Variants in PEMT observed in about 807,000 individuals in gnomAD.
The protein encoded by PEMT is phospholipid methyltransferase.
In PEMT, 23 loss-of-function variants were observed where a neutral mutation model predicts 27.4. The ratio of observed to expected loss-of-function variants is 0.84; its 90% CI spans 0.60 to 1.19. The LOEUF is 1.19. PEMT is among the 50% of genes most tolerant of loss of function. The pLI is 0.00. For missense variants in PEMT, 307 were observed against 310.1 expected (o/e 0.99, Z 0.07); for synonymous variants, 137 against 139.1 (o/e 0.98, Z 0.11).
chr17:17,538,237 G>A (rs1387840704), intron 2 of PEMT, among the ~76,000 whole-genome samples: 2 of 152,202 alleles, frequency 1.3e-5, no homozygotes, highest in Admixed American at 6.5e-5. Context: ...CACGCTGAGC[G>A]GCTTCTCCAA....
chr17:17,518,203 G>T, intron 3 of PEMT: 1 of 965,918 alleles, frequency 1.0e-6, no homozygotes, highest in Non-Finnish European at 1.2e-6. Flanking sequence ...AAGCTCGGCT[G>T]TCTCCTCCCA....
intron 5 of PEMT, chr17:17,508,407 C>T (rs1447103000): frequency 5.1e-6 from 1 of 194,932 alleles, no homozygotes; most frequent in African/African-American, 2.4e-5. Flanking sequence ...CACAGCCCCC[C>T]TTCTAGCTTC....
At chr17:17,543,893 C>A (rs1909065696) in intron 2 of PEMT, among the ~76,000 whole-genome samples, 1 of 152,222 alleles carries the variant, frequency 6.6e-6, no homozygotes, top group Non-Finnish European at 1.5e-5. Flanking sequence ...CAAAATAGAA[C>A]CTCTGAGCTT....
intron 2 of PEMT, among the ~76,000 whole-genome samples, chr17:17,549,382 G>A (rs936797873): frequency 1.3e-5 from 2 of 152,124 alleles, no homozygotes; most frequent in African/African-American, 4.8e-5. Context: ...TAGAGATGGG[G>A]TTTCACCATA....
At chr17:17,586,559 G>A (rs1372728450) in intron 1 of PEMT, among the ~76,000 whole-genome samples, 1 of 152,190 alleles carries the variant, frequency 6.6e-6, no homozygotes, top group East Asian at 1.9e-4. Context: ...AGGGCCAAAT[G>A]GGAAGTCTTG....
At chr17:17,506,999 C>G in intron 5 of PEMT, 3 of 670,896 alleles carry the variant, frequency 4.5e-6, no homozygotes, top group Non-Finnish European at 7.8e-6. Flanking sequence ...GGCCCAAGGC[C>G]GGATGGAGCA....
intron 1 of PEMT, among the ~76,000 whole-genome samples, chr17:17,586,040 G>A (rs1243313730): frequency 2.1e-5 from 3 of 144,842 alleles, no homozygotes; most frequent in African/African-American, 5.2e-5. Context: ...CCAAGATGGC[G>A]CCACTGCACT....
intron 2 of PEMT, among the ~76,000 whole-genome samples, chr17:17,535,059 C>A (rs997460492): frequency 1.3e-5 from 2 of 151,798 alleles, no homozygotes; most frequent in Non-Finnish European, 2.9e-5. Flanking sequence ...TACAGGTGTG[C>A]GCCCCTATGC....
At chr17:17,529,605 G>A (rs9903468) in intron 2 of PEMT, among the ~76,000 whole-genome samples, 20,164 of 152,192 alleles carry the variant, frequency 0.13, 2,387 homozygotes, top group African/African-American at 0.32. Flanking sequence ...ACCTGCACCC[G>A]AGGCCCCAGC....
At chr17:17,564,283 G>A (rs998750040) in intron 2 of PEMT, among the ~76,000 whole-genome samples, 3 of 152,122 alleles carry the variant, frequency 2.0e-5, no homozygotes, top group Admixed American at 6.5e-5. Context: ...CAGGGAGTGA[G>A]GAATGGAGAT....
intron 2 of PEMT, among the ~76,000 whole-genome samples, chr17:17,543,141 G>A (rs531675811): frequency 6.6e-6 from 1 of 152,316 alleles, no homozygotes; most frequent in Admixed American, 6.5e-5. Flanking sequence ...ATCTGCTTCC[G>A]ATCCCCAGGA....
chr17:17,558,694 A>C (rs895726665), intron 2 of PEMT, among the ~76,000 whole-genome samples: 15 of 127,426 alleles, frequency 1.2e-4, no homozygotes, highest in South Asian at 6.9e-4. Flanking sequence ...AAAAAAAAAA[A>C]AAAAACAAAA....
At chr17:17,543,664 G>A (rs1462260212) in intron 2 of PEMT, among the ~76,000 whole-genome samples, 2 of 152,174 alleles carry the variant, frequency 1.3e-5, no homozygotes, top group East Asian at 3.9e-4. Context: ...CCAGGTTCAA[G>A]TGATTCTCCT....
chr17:17,531,109 A>C (rs2142566095), intron 2 of PEMT, among the ~76,000 whole-genome samples: 1 of 152,226 alleles, frequency 6.6e-6, no homozygotes, highest in South Asian at 2.1e-4. Flanking sequence ...TAGCATTCAA[A>C]CTGTGGTCTC....
intron 2 of PEMT, among the ~76,000 whole-genome samples, chr17:17,525,446 G>T (rs1907598590): frequency 6.6e-6 from 1 of 152,230 alleles, no homozygotes; most frequent in South Asian, 2.1e-4. Flanking sequence ...TGTCCTCACT[G>T]GGAGCCCAGC....
At chr17:17,541,232 G>C (rs898211982) in intron 2 of PEMT, among the ~76,000 whole-genome samples, 1 of 152,224 alleles carries the variant, frequency 6.6e-6, no homozygotes, top group African/African-American at 2.4e-5. Flanking sequence ...CATCCTCCCA[G>C]AGCCCTGCAA....
At chr17:17,506,961 C>T (rs570684393) in intron 5 of PEMT, 29 of 586,148 alleles carry the variant, frequency 4.9e-5, no homozygotes, top group Admixed American at 3.2e-4. Flanking sequence ...GCCCAGAGGA[C>T]GGGAGGCCCC....
chr17:17,586,047 C>A (rs1912227993), intron 1 of PEMT, among the ~76,000 whole-genome samples: 1 of 141,544 alleles, frequency 7.1e-6, no homozygotes, highest in East Asian at 2.0e-4. Context: ...GGCGCCACTG[C>A]ACTTCAGCCT....
chr17:17,564,817 T>G (rs1910714315), intron 2 of PEMT, among the ~76,000 whole-genome samples: 1 of 152,108 alleles, frequency 6.6e-6, no homozygotes. Flanking sequence ...GCTGGACAGG[T>G]GGGACTCAGC....
Sources: allele counts gnomAD v4.1 joint callset (sites outside exome capture counted in the v4.1 genomes callset), GRCh38; gene constraint gnomAD v4.1.1; transcripts MANE v1.5; gene names NCBI Gene and HGNC (gene_info 2026-07-23, HGNC 2026-07-21).